CIBAR2: variants seen among roughly 807,000 people sequenced by gnomAD.
CIBAR2 encodes the protein CBY1 interacting BAR domain containing 2.
In CIBAR2, 38 loss-of-function variants were observed where a neutral mutation model predicts 36.2. The ratio of observed to expected loss-of-function variants is 1.05; its 90% CI spans 0.81 to 1.38. The LOEUF (loss-of-function observed/expected upper bound fraction) is 1.38, where lower values mean the gene tolerates loss of function less well. Among genes scored for constraint, CIBAR2 ranks in the 40% most tolerant of loss-of-function variants. The probability of loss-of-function intolerance (pLI) is 0.00; values close to 1 mark genes in which losing one functional copy is unlikely to be tolerated. For synonymous variants in CIBAR2, 182 were observed against 149.5 expected (o/e 1.22, Z -1.58); for missense variants, 481 against 383.4 (o/e 1.25, Z -2.13).
Position 85,105,382 on chromosome 16 carries a change from A to AG in CIBAR2, c.481dup (p.Leu161ProfsTer24). On this transcript the variant is annotated frameshift_variant, in exon 6 of 9. Coordinates refer to ENST00000539556, the MANE Select transcript of CIBAR2 (RefSeq NM_198491.3). LOFTEE classifies it high-confidence loss of function. ...GCCATCCACAGTCTCCTCCAGCTGG[A>AG]GGGTGGTGCGGCTGGAGTCCACAGC... 1 of 1,613,882 alleles carries AG rather than the reference A, an allele frequency of 6.2e-7. No individual in the cohort carries two copies. Among genetic ancestry groups the AG allele is most frequent in the Non-Finnish European group, 8.5e-7 (1 of 1,179,974 alleles).
intron 1 of CIBAR2, 50 bp downstream of exon 1, chr16:85,112,283 A>C (rs763026710): frequency 3.1e-6 from 5 of 1,604,956 alleles, no homozygotes; most frequent in Non-Finnish European, 4.3e-6. Context: ...CCGGGCCTCA[A>C]AACCCGACTT....
In CIBAR2 at chr16:85,107,645, C is replaced by G. The variant is rs776277954; in HGVS notation, c.432+22G>C. On this transcript the variant is annotated intron_variant, in intron 5 of 8. Coordinates refer to ENST00000539556, the MANE Select transcript of CIBAR2 (RefSeq NM_198491.3). ...TTCCTACGTGTGATTCTGCCTGCCC[C>G]AGACAGACATGTGACACTCACCTGG... 5.6e-6 allele frequency: 9 copies of G among 1,613,694 alleles called. No homozygotes were observed. The Admixed American group carries it at 1.3e-4, about 24-fold the overall frequency.
Position 85,110,288 on chromosome 16 carries a change from G to A in CIBAR2, c.193C>T (p.Arg65Trp), listed in dbSNP as rs1439309004. ...TCAGCGAAGCCCCTCATGGTGGCCC[G>A]CAGCTCGGGGTTCTCGGAGTTGGCA... ...DFANSENPEL[R>W]ATMRGFAEDL... The change falls in exon 2 of 9, where the codon CGG (arginine) becomes TGG (tryptophan). Residue 65 changes from arginine to tryptophan, a missense_variant. Coordinates refer to ENST00000539556, the MANE Select transcript of CIBAR2 (RefSeq NM_198491.3). 19 of 1,609,138 alleles carry A rather than the reference G, an allele frequency of 1.2e-5. No individual in the cohort carries two copies. Among genetic ancestry groups the A allele is most frequent in the Middle Eastern group, 1.6e-4 (1 of 6,062 alleles).
intron 6 of CIBAR2, among the ~76,000 whole-genome samples, chr16:85,104,203 C>G (rs546963544): frequency 6.6e-6 from 1 of 152,278 alleles, no homozygotes; most frequent in South Asian, 2.1e-4. Flanking sequence ...AAGGAGGCAC[C>G]GACTGGACGC....
At position 85,110,296 on chromosome 16, in the gene CIBAR2, G is replaced by C. The variant is rs1041867817; in HGVS notation, c.185C>G (p.Pro62Arg). The change falls in exon 2 of 9, where the codon CCC becomes CGC. Residue 62 changes from proline to arginine, a missense_variant. Pro to Arg is a moderately radical substitution (Grantham distance 103). Coordinates refer to ENST00000539556, the MANE Select transcript of CIBAR2 (RefSeq NM_198491.3). ...GCCCCTCATGGTGGCCCGCAGCTCG[G>C]GGTTCTCGGAGTTGGCAAAGTCGAT... Reference protein sequence around the residue: ...QLIDFANSENPELRATMRGFA... With the variant: ...QLIDFANSENRELRATMRGFA... 6.2e-7 allele frequency: 1 copy of C among 1,611,202 alleles called. No homozygotes were observed. Among genetic ancestry groups the C allele is most frequent in the African/African-American group, 1.3e-5 (1 of 74,978 alleles).
In CIBAR2 at chr16:85,110,359, C is replaced by A. The variant is rs748006465; in HGVS notation, c.122G>T (p.Arg41Leu). 1.2e-6 allele frequency: 2 copies of A among 1,613,406 alleles called. No individual in the cohort carries two copies. Among genetic ancestry groups the A allele is most frequent in the African/African-American group, 2.7e-5 (2 of 74,922 alleles). ...LLAAYTRKTA[R>L]LRDKADQLVK... ...CAGCTGGTCCGCCTTGTCCCGCAGCCGGGCCGTCTTGCGCGTGTAGGCGGC... is the reference window on the plus strand; with the variant it reads ...CAGCTGGTCCGCCTTGTCCCGCAGCAGGGCCGTCTTGCGCGTGTAGGCGGC... Residue 41 changes from arginine (R) to leucine (L), a missense_variant, in exon 2 of 9, where the codon CGG becomes CTG. Arg to Leu is a moderately radical substitution (Grantham distance 102). Transcript: ENST00000539556.
In CIBAR2 at chr16:85,102,892, C is replaced by A. The variant is rs769967183; in HGVS notation, c.538-565G>T. On this transcript the variant is annotated intron_variant, in intron 6 of 8. Transcript: ENST00000539556. Reference sequence around the variant, plus strand: ...CCTGCTAACAATCGGTCCTGGAGATCTCTTCACAGGAGGCTTTTTTTTTTT... The same window carrying A: ...CCTGCTAACAATCGGTCCTGGAGATATCTTCACAGGAGGCTTTTTTTTTTT... Among the ~76,000 whole-genome samples, 8 of 146,010 alleles carry A rather than the reference C, an allele frequency of 5.5e-5. No individual in the cohort carries two copies. In the East Asian group the frequency reaches 7.9e-4, roughly 15 times the overall value.
rs554246095 is a variant in CIBAR2 at position 85,100,893 on chromosome 16, T to C, written c.652-653A>G. Among the ~76,000 whole-genome samples the C allele has an allele frequency of 4.6e-5, 7 of 151,956 alleles. No homozygotes were observed. In the South Asian group the frequency reaches 1.5e-3, roughly 32 times the overall value. Reference sequence around the variant, plus strand: ...AAACCCCGTCTCTACTAAAAATACATAACATTAGCTGGGCGTGATGGAGGG... The same window carrying C: ...AAACCCCGTCTCTACTAAAAATACACAACATTAGCTGGGCGTGATGGAGGG... On this transcript the variant is annotated intron_variant, in intron 7 of 8. Coordinates refer to ENST00000539556, the MANE Select transcript of CIBAR2 (RefSeq NM_198491.3).
rs961849568 is a variant in CIBAR2 at position 85,099,119 on chromosome 16, A to C, written c.*66T>G. 3.5e-6 allele frequency: 5 copies of C among 1,438,550 alleles called. No homozygotes were observed. Among genetic ancestry groups the C allele is most frequent in the Non-Finnish European group, 4.6e-6 (5 of 1,091,756 alleles). 89.1% of individuals were successfully genotyped at this position (1,438,550 alleles called of 1,614,324 possible). On this transcript the variant is annotated 3_prime_UTR_variant, in exon 9 of 9. Transcript: ENST00000539556. ...ACAAAGAAAAAAGAATCAGAAAATAAGAACAAAGCCTCCAGGCAGTCTGGG... is the reference window on the plus strand; with the variant it reads ...ACAAAGAAAAAAGAATCAGAAAATACGAACAAAGCCTCCAGGCAGTCTGGG...
chr16:85,098,679 A>C lies in CIBAR2; in HGVS notation c.*506T>G, dbSNP rs996393188. The C allele has an allele frequency of 7.3e-6, 7 of 959,532 alleles. No homozygotes were observed. Among genetic ancestry groups the C allele is most frequent in the African/African-American group, 1.8e-5 (1 of 56,636 alleles). 59.4% of individuals were successfully genotyped at this position (959,532 alleles called of 1,614,324 possible). A position where few individuals can be genotyped will look rare whatever the true frequency, so the allele number is the denominator to read the frequency against. On this transcript the variant is annotated 3_prime_UTR_variant, in exon 9 of 9. Transcript: ENST00000539556. ...CTGGGCTCCATATGGTGCTCTGAGC[A>C]CTCTAAATAATAATAATAATAAAAC...
chr16:85,109,985 C>T (rs1230096702), intron 2 of CIBAR2, among the ~76,000 whole-genome samples: 1 of 152,204 alleles, frequency 6.6e-6, no homozygotes, highest in African/African-American at 2.4e-5. Context: ...CCAGGGCTGG[C>T]TTCCTGGGTT....
At chr16:85,110,006 G>C (rs377631317) in intron 2 of CIBAR2, among the ~76,000 whole-genome samples, 44 of 152,242 alleles carry the variant, frequency 2.9e-4, no homozygotes, top group African/African-American at 8.4e-4. Context: ...TCCTTGCTTT[G>C]TTGACCCTTC....
intron 5 of CIBAR2, among the ~76,000 whole-genome samples, chr16:85,106,218 G>C (rs1269479946): frequency 6.6e-6 from 1 of 152,042 alleles, no homozygotes; most frequent in African/African-American, 2.4e-5. Context: ...GTGTAGGTCA[G>C]GACTCCCCAC....
At chr16:85,108,280 G>T (rs1011514329) in intron 2 of CIBAR2, among the ~76,000 whole-genome samples, 181 bp from the exon 3 acceptor site, 3 of 152,178 alleles carry the variant, frequency 2.0e-5, no homozygotes, top group Non-Finnish European at 4.4e-5. Context: ...TTCAGGGCCC[G>T]GCTCTGCCTC....
intron 6 of CIBAR2, 85 bp from the exon 7 acceptor site, chr16:85,102,412 G>A: frequency 1.2e-6 from 1 of 809,878 alleles, no homozygotes; most frequent in Admixed American, 1.8e-5. Flanking sequence ...ATGGGGTGGG[G>A]GTGTGGAGGG....
intron 6 of CIBAR2, 132 bp from the exon 7 acceptor site, chr16:85,102,459 C>T (rs1426714138): frequency 2.9e-5 from 18 of 630,122 alleles, no homozygotes; most frequent in Admixed American, 5.7e-5. Flanking sequence ...TGGGGAGTTT[C>T]GACATGTTAT....
rs74031949 is a variant in CIBAR2 at position 85,112,196 on chromosome 16, G to A, written c.20+137C>T. 5,994 of 731,704 alleles carry A rather than the reference G, an allele frequency of 8.2e-3. 163 individuals carry two copies. The highest frequency in any genetic ancestry group is 0.065 in the African/African-American group (3,748 of 57,764). The allele number at this position is 731,704 out of a possible 1,614,324, so 45.3% of individuals were successfully genotyped here. Reference sequence around the variant, plus strand: ...TGAGCTGGATGGAGGTGGAGGCACCGTGGGAGGGAGAGCTCCCCTCACCCC... The same window carrying A: ...TGAGCTGGATGGAGGTGGAGGCACCATGGGAGGGAGAGCTCCCCTCACCCC... On this transcript the variant is annotated intron_variant, in intron 1 of 8. Coordinates refer to ENST00000539556, the MANE Select transcript of CIBAR2 (RefSeq NM_198491.3).
At chr16:85,101,446 C>T (rs554183063) in intron 7 of CIBAR2, among the ~76,000 whole-genome samples, 1 of 152,176 alleles carries the variant, frequency 6.6e-6, no homozygotes, top group Admixed American at 6.5e-5. Flanking sequence ...GAGAACTGCC[C>T]ACGTGAGCCC....
intron 7 of CIBAR2, among the ~76,000 whole-genome samples, chr16:85,100,551 G>T (rs1377131907): frequency 7.0e-6 from 1 of 143,586 alleles, no homozygotes; most frequent in African/African-American, 2.7e-5. Flanking sequence ...TGAAGTGAGT[G>T]AATGCGAGAG....
Sources: allele counts gnomAD v4.1 joint callset (sites outside exome capture counted in the v4.1 genomes callset), GRCh38; gene constraint gnomAD v4.1.1; transcripts MANE v1.5; gene names NCBI Gene and HGNC (gene_info 2026-07-23, HGNC 2026-07-21).